PTPRD: variants seen among roughly 807,000 people sequenced by gnomAD.
PTPRD encodes the protein protein tyrosine phosphatase receptor type D.
PTPRD carries 34 observed loss-of-function variants against 214.5 expected under a neutral mutation model. That is an observed-to-expected ratio of 0.16 (90% CI 0.12 to 0.21). The LOEUF is 0.21. PTPRD is among the 10% of genes least tolerant of loss of function. The pLI, the probability that PTPRD is intolerant of heterozygous loss-of-function variation, is 1.00. For synonymous variants in PTPRD, 1,128 were observed against 845.7 expected (o/e 1.33, Z -5.79); for missense variants, 2,545 against 2,398.7 (o/e 1.06, Z -1.27).
At chr9:8,526,459 A>G (rs1030113822) in intron 17 of PTPRD, among the ~76,000 whole-genome samples, 168 bp downstream of exon 17, 10 of 152,018 alleles carry the variant, frequency 6.6e-5, no homozygotes, top group African/African-American at 2.4e-4. Flanking sequence ...AAAGGAAAGG[A>G]AAGTTCACAA....
chr9:8,733,141 T>G (rs930339260), intron 12 of PTPRD, among the ~76,000 whole-genome samples: 1 of 152,186 alleles, frequency 6.6e-6, no homozygotes, highest in Non-Finnish European at 1.5e-5. Context: ...ATTGTCAAGT[T>G]AATGGACCAC....
rs2096395130 is a variant in PTPRD at position 10,315,416 on chromosome 9, C to T, written c.-545+25547G>A. Among the ~76,000 whole-genome samples, 2 of 151,760 alleles carry T rather than the reference C, an allele frequency of 1.3e-5. 1 individual carries two copies. The highest frequency in any genetic ancestry group is 1.3e-4 in the Admixed American group (2 of 15,184). On this transcript the variant is annotated intron_variant, in intron 3 of 45. Transcript: ENST00000381196. ...ATTACATCTATCAGTATACTTACCT[C>T]TTCTGAAATTGGAATGTCTATATGA...
chr9:9,235,642 G>A (rs1193699814), intron 9 of PTPRD, among the ~76,000 whole-genome samples: 2 of 152,020 alleles, frequency 1.3e-5, no homozygotes, highest in African/African-American at 4.8e-5. Flanking sequence ...GACTCACTTT[G>A]GAACATACTG....
intron 11 of PTPRD, among the ~76,000 whole-genome samples, chr9:8,879,992 T>C (rs1044694942): frequency 6.6e-6 from 1 of 152,162 alleles, no homozygotes; most frequent in Non-Finnish European, 1.5e-5. Context: ...AGTCAGAGTT[T>C]TCAATTTAAA....
intron 10 of PTPRD, among the ~76,000 whole-genome samples, chr9:9,166,049 A>G (rs1368587963): frequency 6.6e-6 from 1 of 152,138 alleles, no homozygotes; most frequent in African/African-American, 2.4e-5. Context: ...GGTATTAAAA[A>G]AACCTGTGGT....
At chr9:10,063,709 A>G (rs403666) in intron 3 of PTPRD, among the ~76,000 whole-genome samples, 27,928 of 152,004 alleles carry the variant, frequency 0.18, 5,986 homozygotes, top group African/African-American at 0.52. Flanking sequence ...ATTCAGATAT[A>G]GAATCTGAGG....
At chr9:9,467,588 C>CAAAAAAAAAAAAAAAAAAATAAAAAAAA (rs2094289543) in intron 8 of PTPRD, among the ~76,000 whole-genome samples, 1 of 55,954 alleles carries the variant, frequency 1.8e-5, no homozygotes, top group African/African-American at 6.6e-5. Context: ...CTCCATCTCC[C>CAAAAAAAAAAAAAAAAAAATAAAAAAAA]AAAAAAAAAA....
At chr9:9,475,994 A>G (rs906727261) in intron 8 of PTPRD, among the ~76,000 whole-genome samples, 10 of 152,146 alleles carry the variant, frequency 6.6e-5, no homozygotes, top group African/African-American at 2.4e-4. Context: ...CATTAAAAAG[A>G]GAAAAGAAAA....
chr9:9,026,644 T>G (rs1466401072), intron 10 of PTPRD, among the ~76,000 whole-genome samples: 1 of 151,980 alleles, frequency 6.6e-6, no homozygotes, highest in East Asian at 1.9e-4. Context: ...TCTTGATTTT[T>G]TTTGTTTCTA....
chr9:9,494,167 T>C (rs2096062153), intron 8 of PTPRD, among the ~76,000 whole-genome samples: 1 of 152,174 alleles, frequency 6.6e-6, no homozygotes, highest in African/African-American at 2.4e-5. Flanking sequence ...TTGCTTCTTA[T>C]AAGTGAGCAA....
At chr9:10,492,847 C>T (rs1374143796) in intron 2 of PTPRD, among the ~76,000 whole-genome samples, 2 of 151,896 alleles carry the variant, frequency 1.3e-5, no homozygotes, top group African/African-American at 4.8e-5. Context: ...GGCTGTAGGT[C>T]TTACGTTTAA....
At chr9:9,740,380 T>C (rs1268468940) in intron 6 of PTPRD, among the ~76,000 whole-genome samples, 1 of 151,002 alleles carries the variant, frequency 6.6e-6, no homozygotes, top group Non-Finnish European at 1.5e-5. Context: ...TTTTTGGAGA[T>C]GGAGTCTCGC....
intron 3 of PTPRD, among the ~76,000 whole-genome samples, chr9:10,078,972 G>A (rs773464956): frequency 6.6e-5 from 10 of 151,866 alleles, no homozygotes; most frequent in South Asian, 2.1e-4. Context: ...ACTTTCAATC[G>A]TTAACATGAG....
chr9:10,326,571 A>G (rs2096646636), intron 3 of PTPRD, among the ~76,000 whole-genome samples: 1 of 151,604 alleles, frequency 6.6e-6, no homozygotes, highest in African/African-American at 2.4e-5. Flanking sequence ...CCCATTTTTT[A>G]CTTTCAAATT....
chr9:9,909,554 T>A (rs543338923), intron 5 of PTPRD, among the ~76,000 whole-genome samples: 5 of 152,086 alleles, frequency 3.3e-5, no homozygotes, highest in Admixed American at 2.6e-4. Context: ...GAATTTATTA[T>A]TAGGCACTAT....
intron 7 of PTPRD, among the ~76,000 whole-genome samples, chr9:9,642,358 A>T (rs1456673117): frequency 6.6e-6 from 1 of 151,096 alleles, no homozygotes; most frequent in East Asian, 2.0e-4. Context: ...TGGCACATGT[A>T]TACATATGTA....
At chr9:8,544,663 T>G (rs777152559) in intron 14 of PTPRD, among the ~76,000 whole-genome samples, 25 of 150,558 alleles carry the variant, frequency 1.7e-4, no homozygotes, top group Non-Finnish European at 3.0e-5. Flanking sequence ...AGAGACAGGG[T>G]TTCACCATGC....
In PTPRD at chr9:9,215,422, T is replaced by C. The variant is rs139744225; in HGVS notation, c.-202-32059A>G. Among the ~76,000 whole-genome samples the C allele has an allele frequency of 2.0e-3, 304 of 152,232 alleles. 2 individuals are homozygous for C. The highest frequency in any genetic ancestry group is 6.7e-3 in the African/African-American group (279 of 41,550). ...AAAATACCCTGCCTACCACACAGAA[T>C]TGCTATAAAAATCAAATGTGATAAT... On this transcript the variant is annotated intron_variant, in intron 9 of 45. Transcript: ENST00000381196.
At chr9:8,668,528 T>C (rs2097213840) in intron 12 of PTPRD, among the ~76,000 whole-genome samples, 1 of 152,174 alleles carries the variant, frequency 6.6e-6, no homozygotes, top group Non-Finnish European at 1.5e-5. Flanking sequence ...TAAGATAATT[T>C]CTGATTTTTA....
Sources: gnomAD v4.1 joint callset for allele counts (sites outside exome capture counted in the v4.1 genomes callset) on GRCh38, gnomAD v4.1.1 for gene constraint, MANE v1.5 for transcripts, NCBI Gene and HGNC (gene_info 2026-07-23, HGNC 2026-07-21) for gene names.